PPP2R2C: variants seen among roughly 807,000 people sequenced by gnomAD.
PPP2R2C encodes protein phosphatase 2, regulatory subunit B, gamma.
PPP2R2C carries 10 observed loss-of-function variants against 45.3 expected under a neutral mutation model. The observed-to-expected ratio is 0.22, with a 90% CI of 0.14 to 0.37. The LOEUF is 0.37. Among genes scored for constraint, PPP2R2C ranks in the 10% least tolerant of loss-of-function variants. The pLI is 1.00. For missense variants in PPP2R2C, 308 were observed against 619.7 expected (o/e 0.50, Z 5.34); for synonymous variants, 257 against 245.4 (o/e 1.05, Z -0.44).
At chr4:6,542,778 G>C (rs1444893036) in intron 1 of PPP2R2C, among the ~76,000 whole-genome samples, 2 of 151,582 alleles carry the variant, frequency 1.3e-5, no homozygotes, top group Non-Finnish European at 2.9e-5. Context: ...TAAATTTCTA[G>C]AAAAATACAG....
intron 1 of PPP2R2C, among the ~76,000 whole-genome samples, chr4:6,403,455 G>A (rs974842648): frequency 5.9e-5 from 9 of 152,236 alleles, no homozygotes; most frequent in African/African-American, 1.9e-4. Context: ...TTACAGCGGG[G>A]TGAGGCTGTG....
chr4:6,420,149 C>G (rs961369363), intron 1 of PPP2R2C, among the ~76,000 whole-genome samples: 2 of 152,238 alleles, frequency 1.3e-5, no homozygotes, highest in Admixed American at 6.5e-5. Context: ...CTCTCAGTCA[C>G]ACACACACTC....
chr4:6,337,102 A>ATGTG lies in PPP2R2C; in HGVS notation c.791-3375_791-3372dup, dbSNP rs1158525075. On this transcript the variant is annotated intron_variant, in intron 6 of 8. Coordinates refer to ENST00000382599, the MANE Select transcript of PPP2R2C (RefSeq NM_020416.4). ...ATTAAATTGGCATCTTTGTTTCTGT[A>ATGTG]TGTGTGTGTGTATATATATATATAT... Among the ~76,000 whole-genome samples the ATGTG allele has an allele frequency of 2.7e-3, 101 of 37,262 alleles. 2 individuals carry two copies. Among genetic ancestry groups the ATGTG allele is most frequent in the African/African-American group, 0.012 (97 of 8,198 alleles). The allele number at this position is 37,262 out of a possible 152,430, so 24.4% of individuals were successfully genotyped here.
intron 8 of PPP2R2C, among the ~76,000 whole-genome samples, chr4:6,325,387 G>A (rs139694693): frequency 1.3e-3 from 197 of 152,286 alleles, no homozygotes; most frequent in Non-Finnish European, 2.3e-3. Flanking sequence ...AGCAGCATGC[G>A]AGGGGGGCCG....
chr4:6,498,317 G>C (rs1441446340), intron 2 of PPP2R2C, among the ~76,000 whole-genome samples: 3 of 152,168 alleles, frequency 2.0e-5, no homozygotes, highest in Admixed American at 6.6e-5. Flanking sequence ...CTTAAAACCA[G>C]GCAATGGTGG....
intron 2 of PPP2R2C, chr4:6,535,238 G>A (rs1181893926): frequency 5.2e-6 from 8 of 1,534,476 alleles, no homozygotes; most frequent in East Asian, 4.9e-5. Flanking sequence ...GCTCACCGGC[G>A]CTGCTGCCCG....
chr4:6,346,330 G>A (rs567281685), intron 6 of PPP2R2C, among the ~76,000 whole-genome samples: 42 of 152,228 alleles, frequency 2.8e-4, no homozygotes, highest in African/African-American at 7.7e-4. Context: ...TGGAGTCACG[G>A]CCACTGCAGT....
chr4:6,508,955 C>T (rs1051803929), intron 2 of PPP2R2C, among the ~76,000 whole-genome samples: 4 of 152,208 alleles, frequency 2.6e-5, no homozygotes, highest in Non-Finnish European at 5.9e-5. Context: ...CCTCTTCCTG[C>T]TCTAAAACTT....
chr4:6,414,076 ATGTGTGTGTGTGTGTGTGTGTGTGTG>A (rs71173440), intron 1 of PPP2R2C: 2 of 828,942 alleles, frequency 2.4e-6, no homozygotes, highest in Admixed American at 7.6e-5. Context: ...TTGCCTGTGT[ATGTGTGTGTGTGTGTGTGTGTGTGTG>A]TGTGTGTGTG....
intron 1 of PPP2R2C, among the ~76,000 whole-genome samples, chr4:6,554,525 A>G (rs546675613): frequency 1.4e-4 from 22 of 152,282 alleles, no homozygotes; most frequent in Non-Finnish European, 1.8e-4. Context: ...GACGGCTACA[A>G]CAAGATACCT....
chr4:6,551,358 G>T (rs187295257), intron 1 of PPP2R2C, among the ~76,000 whole-genome samples: 5 of 152,202 alleles, frequency 3.3e-5, no homozygotes, highest in Non-Finnish European at 5.9e-5. Flanking sequence ...GAACAAACAC[G>T]TGGCATGGAG....
At chr4:6,548,405 C>CA (rs1327642382) in intron 1 of PPP2R2C, among the ~76,000 whole-genome samples, 1 of 152,180 alleles carries the variant, frequency 6.6e-6, no homozygotes, top group Non-Finnish European at 1.5e-5. Flanking sequence ...CGGCACATCC[C>CA]AAAGCACAGA....
At chr4:6,414,384 A>C (rs571470779) in intron 1 of PPP2R2C, among the ~76,000 whole-genome samples, 6 of 152,196 alleles carry the variant, frequency 3.9e-5, no homozygotes, top group African/African-American at 1.4e-4. Context: ...CTAACAAAAG[A>C]GCTTTCCCAT....
At chr4:6,446,940 C>A (rs1028473101) in intron 1 of PPP2R2C, among the ~76,000 whole-genome samples, 11 of 151,450 alleles carry the variant, frequency 7.3e-5, no homozygotes, top group African/African-American at 2.4e-4. Context: ...AGCACTGCAA[C>A]AGAGGCGAAG....
At chr4:6,545,959 G>A (rs1560614653) in intron 1 of PPP2R2C, among the ~76,000 whole-genome samples, 1 of 152,088 alleles carries the variant, frequency 6.6e-6, no homozygotes, top group African/African-American at 2.4e-5. Context: ...CAGTTCCCTG[G>A]GTGGGGGGTG....
chr4:6,371,488 G>A (rs562961517), intron 5 of PPP2R2C, among the ~76,000 whole-genome samples: 1 of 152,210 alleles, frequency 6.6e-6, no homozygotes, highest in Non-Finnish European at 1.5e-5. Context: ...CTGGAGTCGG[G>A]AGGCCATCCA....
intron 6 of PPP2R2C, among the ~76,000 whole-genome samples, chr4:6,340,164 C>CA (rs141607800): frequency 0.027 from 4,108 of 152,192 alleles, 179 homozygotes; most frequent in African/African-American, 0.091. Context: ...CCCCATCAAA[C>CA]AAAAAACTCA....
At chr4:6,405,892 G>A (rs998180786) in intron 1 of PPP2R2C, among the ~76,000 whole-genome samples, 7 of 152,316 alleles carry the variant, frequency 4.6e-5, no homozygotes, top group Admixed American at 1.3e-4. Flanking sequence ...ACCCATCTTG[G>A]TGACTTATGG....
intron 2 of PPP2R2C, among the ~76,000 whole-genome samples, chr4:6,522,183 T>C (rs1400536277): frequency 6.6e-6 from 1 of 152,224 alleles, no homozygotes; most frequent in East Asian, 1.9e-4. Context: ...GCCTGGAGTC[T>C]GCCCTACCCC....
Sources: allele counts gnomAD v4.1 joint callset (sites outside exome capture counted in the v4.1 genomes callset), GRCh38; gene constraint gnomAD v4.1.1; transcripts MANE v1.5; gene names NCBI Gene and HGNC (gene_info 2026-07-23, HGNC 2026-07-21).